Variants in PRR5L observed in about 807,000 individuals in gnomAD.
The protein encoded by PRR5L is proline rich 5 like.
A neutral mutation model predicts 36.4 loss-of-function variants in PRR5L; 21 were observed. The observed-to-expected ratio is 0.58, with a 90% CI of 0.41 to 0.83. The LOEUF is 0.83. Ranked by LOEUF, PRR5L falls within the 40% of genes least tolerant of loss-of-function variation. PRR5L has a pLI of 0.00. For missense variants in PRR5L, 381 were observed against 473.3 expected, an observed-to-expected ratio of 0.80 and a Z score of 1.81; for synonymous variants, 188 against 197.0, an observed-to-expected ratio of 0.95 and a Z score of 0.38.
intron 1 of PRR5L, among the ~76,000 whole-genome samples, chr11:36,312,218 AG>A (rs1384531711): frequency 6.6e-6 from 1 of 152,162 alleles, no homozygotes; most frequent in Non-Finnish European, 1.5e-5. Context: ...AGACTCAAAG[AG>A]GGGAAGACAT....
intron 5 of PRR5L, among the ~76,000 whole-genome samples, chr11:36,434,008 A>T (rs331483): frequency 1 from 151,631 of 152,376 alleles, 75,450 homozygotes; most frequent in East Asian, 1. Flanking sequence ...ATGAAAAAGA[A>T]ACTGAATAAA....
At chr11:36,306,882 A>G (rs1408001837) in intron 1 of PRR5L, among the ~76,000 whole-genome samples, 1 of 152,016 alleles carries the variant, frequency 6.6e-6, no homozygotes, top group Non-Finnish European at 1.5e-5. Context: ...AGTGCTAAAA[A>G]AAAGAACATG....
At chr11:36,383,303 T>C (rs1389320231) in intron 1 of PRR5L, among the ~76,000 whole-genome samples, 1 of 152,238 alleles carries the variant, frequency 6.6e-6, no homozygotes, top group Non-Finnish European at 1.5e-5. Context: ...TTCTTGAGGC[T>C]TAGCTCTGTA....
intron 8 of PRR5L, among the ~76,000 whole-genome samples, chr11:36,460,915 G>T (rs117356340): frequency 1.3e-5 from 2 of 152,226 alleles, no homozygotes; most frequent in East Asian, 3.9e-4. Context: ...TCAGAACTCT[G>T]TCACCCCTTT....
At chr11:36,362,676 C>T (rs965036175) in intron 1 of PRR5L, among the ~76,000 whole-genome samples, 1 of 152,196 alleles carries the variant, frequency 6.6e-6, no homozygotes, top group Non-Finnish European at 1.5e-5. Context: ...TCCTTTCTCA[C>T]TTCCACTTTT....
chr11:36,432,171 T>G (rs1489109091), intron 5 of PRR5L, among the ~76,000 whole-genome samples: 1 of 151,770 alleles, frequency 6.6e-6, no homozygotes, highest in African/African-American at 2.4e-5. Context: ...TTGTTTTGTT[T>G]TTGTTTTTGT....
intron 7 of PRR5L, among the ~76,000 whole-genome samples, 178 bp from the exon 8 acceptor site, chr11:36,451,031 C>G (rs528711608): frequency 2.0e-5 from 3 of 152,320 alleles, no homozygotes; most frequent in Admixed American, 6.5e-5. Flanking sequence ...TGCAGTGACC[C>G]ATGACAAGTG....
At chr11:36,440,650 C>T (rs1027628677) in intron 6 of PRR5L, among the ~76,000 whole-genome samples, 43 of 152,130 alleles carry the variant, frequency 2.8e-4, no homozygotes, top group Non-Finnish European at 5.6e-4. Flanking sequence ...TCATGACTGA[C>T]TGTGTTAGTC....
chr11:36,455,482 C>T (rs868122462), intron 8 of PRR5L: 2 of 153,154 alleles, frequency 1.3e-5, no homozygotes, highest in African/African-American at 4.8e-5. Context: ...CCCTTGGCCT[C>T]ACCCCGTGTG....
At position 36,428,015 on chromosome 11, in the gene PRR5L, G is replaced by T. The variant is rs148332380; in HGVS notation, c.295-3838G>T. 8.5e-3 allele frequency among the ~76,000 whole-genome samples: 1,294 copies of T among 152,332 alleles called. 13 individuals are homozygous for T. Among genetic ancestry groups the T allele is most frequent in the Middle Eastern group, 0.017 (5 of 294 alleles). Reference sequence around the variant, plus strand: ...CCATTGAGTCAGCAGCAATTGCACTGCAGCACTGCCAGTCCAGGGAGTGCA... The same window carrying T: ...CCATTGAGTCAGCAGCAATTGCACTTCAGCACTGCCAGTCCAGGGAGTGCA... On this transcript the variant is annotated intron_variant, in intron 4 of 8. Transcript: ENST00000530639.
At chr11:36,351,180 A>G (rs1856937977) in intron 1 of PRR5L, among the ~76,000 whole-genome samples, 1 of 37,024 alleles carries the variant, frequency 2.7e-5, no homozygotes, top group Non-Finnish European at 4.2e-5. Flanking sequence ...TAATCATTAT[A>G]TTAATATTAT....
chr11:36,374,047 C>CTCCTTCCT lies in PRR5L; in HGVS notation c.-125-26897_-125-26890dup, dbSNP rs59668248. 3.4e-3 allele frequency among the ~76,000 whole-genome samples: 395 copies of CTCCTTCCT among 117,814 alleles called. 6 individuals carry two copies. Among genetic ancestry groups the CTCCTTCCT allele is most frequent in the African/African-American group, 0.011 (329 of 31,316 alleles). The allele number at this position is 117,814 out of a possible 152,430, so 77.3% of individuals were successfully genotyped here. A position where few individuals can be genotyped will look rare whatever the true frequency, so the allele number is the denominator to read the frequency against. ...GTAAAAGACAGATAATAATTTTTTC[C>CTCCTTCCT]TCCTTCCTTCCTTCCTTCCTTCCTT... On this transcript the variant is annotated intron_variant, in intron 1 of 8. Transcript: ENST00000530639.
chr11:36,298,605 G>A (rs185105820), intron 1 of PRR5L, among the ~76,000 whole-genome samples: 21 of 152,200 alleles, frequency 1.4e-4, no homozygotes, highest in Non-Finnish European at 2.5e-4. Flanking sequence ...ATGATTGGGA[G>A]CAGCTGTAAA....
chr11:36,440,114 G>A (rs188556026), intron 6 of PRR5L, among the ~76,000 whole-genome samples: 4 of 152,184 alleles, frequency 2.6e-5, no homozygotes, highest in East Asian at 1.9e-4. Flanking sequence ...GGTATAAACC[G>A]GGTACCCCAT....
chr11:36,355,914 GC>G (rs1033384212), intron 1 of PRR5L, among the ~76,000 whole-genome samples: 67 of 150,554 alleles, frequency 4.5e-4, no homozygotes, highest in African/African-American at 1.6e-3. Context: ...CCTGATCTTT[GC>G]TTTTTTTTTT....
rs1046185816 is a variant in PRR5L, at chr11:36,463,203, G to C, written c.*467G>C. 2 of 153,828 alleles carry C rather than the reference G, an allele frequency of 1.3e-5. No homozygotes were observed. The highest frequency in any genetic ancestry group is 1.3e-4 in the Admixed American group (2 of 15,328). The allele number at this position is 153,828 out of a possible 1,614,324, so 9.5% of individuals were successfully genotyped here. ...TATGGGTGAAAAATTAGTGGAGAGG[G>C]AACTCCTCTCCCCCATTTTGTGTAG... On this transcript the variant is annotated 3_prime_UTR_variant, in exon 9 of 9. Transcript: ENST00000530639.
At chr11:36,361,560 T>G (rs1857089180) in intron 1 of PRR5L, among the ~76,000 whole-genome samples, 1 of 152,194 alleles carries the variant, frequency 6.6e-6, no homozygotes, top group African/African-American at 2.4e-5. Context: ...GTTCAAAAAG[T>G]TTGAGTCACT....
intron 1 of PRR5L, among the ~76,000 whole-genome samples, chr11:36,311,905 C>T (rs1565379390): frequency 6.6e-6 from 1 of 152,120 alleles, no homozygotes. Flanking sequence ...AATATTAATA[C>T]ATTATGGTAA....
At chr11:36,299,391 G>T (rs1480538818) in intron 1 of PRR5L, among the ~76,000 whole-genome samples, 1 of 152,012 alleles carries the variant, frequency 6.6e-6, no homozygotes, top group African/African-American at 2.4e-5. Flanking sequence ...TGCTCCTATT[G>T]CTTTCTCCAA....
Sources: allele counts gnomAD v4.1 joint callset (sites outside exome capture counted in the v4.1 genomes callset), GRCh38; gene constraint gnomAD v4.1.1; transcripts MANE v1.5; gene names NCBI Gene and HGNC (gene_info 2026-07-23, HGNC 2026-07-21).